ANO4: variants seen among roughly 807,000 people sequenced by gnomAD.
The protein encoded by ANO4 is anoctamin 4.
In ANO4, 69 loss-of-function variants were observed where a neutral mutation model predicts 141.9. The observed-to-expected ratio is 0.49, with a 90% CI of 0.40 to 0.59. The LOEUF (loss-of-function observed/expected upper bound fraction) is 0.59. Ranked by LOEUF, ANO4 falls within the 20% of genes least tolerant of loss-of-function variation. The probability of loss-of-function intolerance (pLI) is 0.00; values close to 1 mark genes in which losing one functional copy is unlikely to be tolerated. For synonymous variants in ANO4, 350 were observed against 394.3 expected, an observed-to-expected ratio of 0.89 and a Z score of 1.33; for missense variants, 894 against 1,162.2, an observed-to-expected ratio of 0.77 and a Z score of 3.36.
rs1246147115 is a variant in ANO4, at chr12:100,925,113, A to T, written c.160+2783A>T. 2.0e-5 allele frequency among the ~76,000 whole-genome samples: 3 copies of T among 152,100 alleles called. No individual in the cohort carries two copies. In the East Asian group the frequency reaches 5.8e-4, roughly 29 times the overall value. On this transcript the variant is annotated intron_variant, in intron 3 of 27. Coordinates refer to ENST00000392977, the MANE Select transcript of ANO4 (RefSeq NM_001286615.2). The stretch of plus-strand genomic sequence containing the variant: ...GTTGCAAACAAGTTTTGTGCTAATT[A>T]GATTTGAGAAGCTGCCCACACAGGC...
chr12:100,897,957 C>T (rs2040422023), intron 1 of ANO4, among the ~76,000 whole-genome samples: 1 of 152,208 alleles, frequency 6.6e-6, no homozygotes, highest in Non-Finnish European at 1.5e-5. Flanking sequence ...CCACTGCAGG[C>T]TTAAAACAAT....
chr12:100,992,097 T>C (rs2045148904), intron 8 of ANO4, among the ~76,000 whole-genome samples: 1 of 152,234 alleles, frequency 6.6e-6, no homozygotes, highest in South Asian at 2.1e-4. Flanking sequence ...ACTTTGTCAC[T>C]GTATTTCACT....
intron 14 of ANO4, among the ~76,000 whole-genome samples, chr12:101,064,325 TC>T: frequency 6.6e-6 from 1 of 152,224 alleles, no homozygotes; most frequent in Admixed American, 6.5e-5. Flanking sequence ...TTTCTAAATT[TC>T]CACTTGCTGT....
chr12:100,759,940 CAT>C (rs2032782781), intron 3 of ANO4, among the ~76,000 whole-genome samples: 1 of 152,154 alleles, frequency 6.6e-6, no homozygotes, highest in African/African-American at 2.4e-5. Flanking sequence ...ATATTTCAGA[CAT>C]GTGAAAGGGC....
chr12:100,993,696 T>C (rs1377505520), intron 8 of ANO4, among the ~76,000 whole-genome samples: 2 of 152,058 alleles, frequency 1.3e-5, no homozygotes, highest in African/African-American at 4.8e-5. Flanking sequence ...AAAAGAGAGA[T>C]GAGTGATTTT....
chr12:100,823,493 C>T (rs1324221312), intron 1 of ANO4, among the ~76,000 whole-genome samples: 2 of 151,966 alleles, frequency 1.3e-5, no homozygotes, highest in South Asian at 2.1e-4. Flanking sequence ...TGCATACAAG[C>T]GAGTTGGGAC....
intron 3 of ANO4, among the ~76,000 whole-genome samples, chr12:100,744,643 C>G (rs555387942): frequency 6.6e-5 from 10 of 152,304 alleles, no homozygotes; most frequent in Admixed American, 6.5e-4. Context: ...CAGTCCTAAT[C>G]CAGTGTTTTG....
chr12:101,105,991 T>A (rs980834067), intron 22 of ANO4, among the ~76,000 whole-genome samples: 19 of 152,010 alleles, frequency 1.2e-4, no homozygotes, highest in African/African-American at 4.3e-4. Context: ...CCTGTAATCC[T>A]AGCTGCTCTG....
Position 100,922,345 on chromosome 12 carries a change from A to C in ANO4, c.160+15A>C. On this transcript the variant is annotated intron_variant, in intron 3 of 27. Coordinates refer to ENST00000392977, the MANE Select transcript of ANO4 (RefSeq NM_001286615.2). ...AATACAAGAAAGTAAGTTTCACTCA[A>C]ATTTTAAATTCGCCGTGAGAGAAGA... 6.6e-7 allele frequency: 1 copy of C among 1,504,026 alleles called. No individual in the cohort carries two copies. The highest frequency in any genetic ancestry group is 8.8e-7 in the Non-Finnish European group (1 of 1,130,430). The allele number at this position is 1,504,026 out of a possible 1,614,324, so 93.2% of individuals were successfully genotyped here. A position where few individuals can be genotyped will look rare whatever the true frequency, so the allele number is the denominator to read the frequency against.
chr12:101,062,709 C>T (rs1247620475), intron 14 of ANO4, among the ~76,000 whole-genome samples: 3 of 152,200 alleles, frequency 2.0e-5, no homozygotes, highest in South Asian at 2.1e-4. Context: ...CTACTCAAGC[C>T]TCAGCAATGG....
intron 5 of ANO4, among the ~76,000 whole-genome samples, chr12:100,955,228 A>G (rs988268613): frequency 6.6e-6 from 1 of 152,256 alleles, no homozygotes; most frequent in African/African-American, 2.4e-5. Context: ...CAAATCTGCA[A>G]TTGAGCAGGA....
At chr12:100,746,226 G>C (rs1347633114) in intron 3 of ANO4, among the ~76,000 whole-genome samples, 4 of 152,170 alleles carry the variant, frequency 2.6e-5, no homozygotes, top group Non-Finnish European at 4.4e-5. Context: ...GGCTGAGGCA[G>C]GCAGATCACC....
At chr12:101,114,661 C>CT (rs1288662403) in intron 24 of ANO4, among the ~76,000 whole-genome samples, 145 of 150,910 alleles carry the variant, frequency 9.6e-4, no homozygotes, top group South Asian at 1.3e-3. Flanking sequence ...AGTGCTGGGC[C>CT]TTTTTTTTTC....
At chr12:100,775,418 A>G (rs576032212) in intron 3 of ANO4, among the ~76,000 whole-genome samples, 39 of 152,272 alleles carry the variant, frequency 2.6e-4, no homozygotes, top group African/African-American at 9.4e-4. Context: ...TTTTTTTATT[A>G]GTTGCTTTGC....
chr12:101,099,475 AT>A (rs1204572376), intron 21 of ANO4, 102 bp from the exon 22 acceptor site: 39 of 1,180,362 alleles, frequency 3.3e-5, no homozygotes, highest in Admixed American at 5.4e-5. Context: ...CCTGTCCTGA[AT>A]TTTTTCAAAC....
intron 14 of ANO4, among the ~76,000 whole-genome samples, chr12:101,056,578 A>C (rs1465550937): frequency 1.3e-5 from 2 of 152,020 alleles, no homozygotes; most frequent in African/African-American, 4.8e-5. Context: ...TATGAGTTTT[A>C]TTTCTTTTTC....
chr12:100,850,272 C>A (rs561948051), intron 1 of ANO4, among the ~76,000 whole-genome samples: 1 of 152,246 alleles, frequency 6.6e-6, no homozygotes, highest in Non-Finnish European at 1.5e-5. Flanking sequence ...GCAAAGTTGA[C>A]AGTTGACTGA....
At chr12:100,829,861 T>G (rs2036548169) in intron 1 of ANO4, among the ~76,000 whole-genome samples, 2 of 152,078 alleles carry the variant, frequency 1.3e-5, no homozygotes, top group South Asian at 4.1e-4. Flanking sequence ...GTTAATATCA[T>G]TCATGTAAAA....
At chr12:100,898,140 T>C (rs540116889) in intron 1 of ANO4, among the ~76,000 whole-genome samples, 2 of 152,370 alleles carry the variant, frequency 1.3e-5, no homozygotes, top group East Asian at 1.9e-4. Flanking sequence ...ATGGTTGTGA[T>C]GATACATTAA....
Sources: allele counts gnomAD v4.1 joint callset (sites outside exome capture counted in the v4.1 genomes callset), GRCh38; gene constraint gnomAD v4.1.1; transcripts MANE v1.5; gene names NCBI Gene and HGNC (gene_info 2026-07-23, HGNC 2026-07-21).